FGF12: variants seen among roughly 807,000 people sequenced by gnomAD.
FGF12 encodes fibroblast growth factor 12B.
FGF12 carries 14 observed loss-of-function variants against 23.6 expected under a neutral mutation model. That is an observed-to-expected ratio of 0.59 (90% CI 0.39 to 0.93). The LOEUF (loss-of-function observed/expected upper bound fraction) is 0.93, where lower values mean the gene tolerates loss of function less well. Among genes scored for constraint, FGF12 ranks in the 40% least tolerant of loss-of-function variants. The pLI is 0.00. For synonymous variants in FGF12, 62 were observed against 77.3 expected, an observed-to-expected ratio of 0.80 and a Z score of 1.04; for missense variants, 175 against 217.8, an observed-to-expected ratio of 0.80 and a Z score of 1.24.
chr3:192,168,976 AT>A (rs1376151542), intron 5 of FGF12, among the ~76,000 whole-genome samples: 2 of 152,170 alleles, frequency 1.3e-5, no homozygotes, highest in African/African-American at 4.8e-5. Flanking sequence ...ACTAATAGAC[AT>A]TTTCCAGGCA....
chr3:192,287,433 A>C (rs1475836048), intron 4 of FGF12, among the ~76,000 whole-genome samples: 1 of 152,064 alleles, frequency 6.6e-6, no homozygotes, highest in Non-Finnish European at 1.5e-5. Context: ...AGAGGTTAAC[A>C]GTCCGTGAAA....
intron 2 of FGF12, among the ~76,000 whole-genome samples, chr3:192,631,822 A>G (rs1715400505): frequency 6.6e-6 from 1 of 152,226 alleles, no homozygotes; most frequent in Non-Finnish European, 1.5e-5. Context: ...TTATTTGGCC[A>G]TTTAAAGCAT....
chr3:192,462,529 T>C (rs1722894566), intron 2 of FGF12, among the ~76,000 whole-genome samples: 1 of 152,222 alleles, frequency 6.6e-6, no homozygotes, highest in South Asian at 2.1e-4. Context: ...CCCTCAATTT[T>C]GGACTTCTCA....
chr3:192,548,455 A>G (rs1725551330), intron 2 of FGF12, among the ~76,000 whole-genome samples: 1 of 152,162 alleles, frequency 6.6e-6, no homozygotes, highest in Non-Finnish European at 1.5e-5. Context: ...AACTCACAAC[A>G]TAATTACTCA....
chr3:192,641,404 C>CTT lies in FGF12; in HGVS notation c.13+85775_13+85776dup, dbSNP rs1186966084. Among the ~76,000 whole-genome samples the CTT allele has an allele frequency of 4.6e-4, 14 of 30,248 alleles. 3 individuals carry two copies. Among genetic ancestry groups the CTT allele is most frequent in the African/African-American group, 1.3e-3 (12 of 9,248 alleles). 19.8% of individuals were successfully genotyped at this position (30,248 alleles called of 152,430 possible). On this transcript the variant is annotated intron_variant, in intron 2 of 5. Coordinates refer to ENST00000445105, the MANE Select transcript of FGF12 (RefSeq NM_004113.6). ...ACAGGCGTGAGCCACCGCGCCCGGC[C>CTT]TTTTTTTTTTTTTTTTTGAGACAGA...
At chr3:192,550,749 C>T (rs542837985) in intron 2 of FGF12, among the ~76,000 whole-genome samples, 2 of 151,854 alleles carry the variant, frequency 1.3e-5, no homozygotes, top group South Asian at 4.2e-4. Context: ...TGATACATAA[C>T]CAAAGAGTTC....
At chr3:192,155,643 A>C (rs1714373279) in intron 5 of FGF12, among the ~76,000 whole-genome samples, 1 of 152,234 alleles carries the variant, frequency 6.6e-6, no homozygotes. Context: ...CCACATAGAA[A>C]ATGGGAATCA....
chr3:192,242,554 A>G (rs1322140058), intron 4 of FGF12, among the ~76,000 whole-genome samples: 1 of 152,198 alleles, frequency 6.6e-6, no homozygotes, highest in Non-Finnish European at 1.5e-5. Context: ...TCAGTCAGGG[A>G]AAATTTTAAA....
At position 192,304,756 on chromosome 3, in the gene FGF12, A is replaced by G. The variant is rs79996525; in HGVS notation, c.228+30605T>C. Among the ~76,000 whole-genome samples the G allele has an allele frequency of 9.8e-3, 1,497 of 152,306 alleles. 15 individuals are homozygous for G. Among genetic ancestry groups the G allele is most frequent in the African/African-American group, 0.034 (1,431 of 41,556 alleles). Reference sequence around the variant, plus strand: ...CTGACAAGAACTACAGTTTTAAGCTACAATTTTAAAATATCCTCTCTGCTT... The same window carrying G: ...CTGACAAGAACTACAGTTTTAAGCTGCAATTTTAAAATATCCTCTCTGCTT... On this transcript the variant is annotated intron_variant, in intron 4 of 5. Coordinates refer to ENST00000445105, the MANE Select transcript of FGF12 (RefSeq NM_004113.6).
chr3:192,530,527 T>C (rs1725061006), intron 2 of FGF12, among the ~76,000 whole-genome samples: 1 of 152,214 alleles, frequency 6.6e-6, no homozygotes, highest in South Asian at 2.1e-4. Flanking sequence ...GCTCATTTGT[T>C]ATTTGAGATT....
intron 2 of FGF12, among the ~76,000 whole-genome samples, chr3:192,465,690 C>T (rs1190735312): frequency 1.3e-5 from 2 of 152,226 alleles, no homozygotes; most frequent in Admixed American, 1.3e-4. Flanking sequence ...AGGGTGCCTA[C>T]GTGACTGTCG....
intron 2 of FGF12, among the ~76,000 whole-genome samples, chr3:192,530,616 A>G (rs1370788447): frequency 6.6e-6 from 1 of 152,198 alleles, no homozygotes; most frequent in Non-Finnish European, 1.5e-5. Flanking sequence ...AGAAAATTGG[A>G]CTTTTAGTAG....
At chr3:192,525,370 C>T (rs984165066) in intron 2 of FGF12, among the ~76,000 whole-genome samples, 2 of 152,170 alleles carry the variant, frequency 1.3e-5, no homozygotes, top group Non-Finnish European at 2.9e-5. Flanking sequence ...TGAGCAACTA[C>T]ATCTAACTAT....
chr3:192,441,710 C>T (rs1722205841), intron 2 of FGF12, among the ~76,000 whole-genome samples: 1 of 152,094 alleles, frequency 6.6e-6, no homozygotes, highest in Non-Finnish European at 1.5e-5. Flanking sequence ...AGAGAAATTC[C>T]ACTTTAGGAA....
intron 2 of FGF12, among the ~76,000 whole-genome samples, chr3:192,539,480 T>C (rs950852190): frequency 1.8e-4 from 28 of 152,310 alleles, no homozygotes; most frequent in African/African-American, 6.0e-4. Context: ...CTTGTATTTC[T>C]GGAATAAATC....
chr3:192,333,349 G>T (rs865875880), intron 4 of FGF12, among the ~76,000 whole-genome samples: 2 of 151,976 alleles, frequency 1.3e-5, no homozygotes, highest in South Asian at 4.2e-4. Flanking sequence ...ACATTTAGCT[G>T]CTTATTTAAT....
chr3:192,422,847 T>G (rs538919327), intron 2 of FGF12, among the ~76,000 whole-genome samples: 68 of 152,218 alleles, frequency 4.5e-4, no homozygotes, highest in African/African-American at 1.5e-3. Context: ...CCCAGTGTAG[T>G]AGGAGAGGAA....
At chr3:192,322,332 T>A (rs1266298480) in intron 4 of FGF12, among the ~76,000 whole-genome samples, 3 of 151,964 alleles carry the variant, frequency 2.0e-5, no homozygotes, top group African/African-American at 7.2e-5. Flanking sequence ...CACAAAAAAA[T>A]GGGAAATATT....
intron 2 of FGF12, among the ~76,000 whole-genome samples, chr3:192,707,259 A>C (rs1011936250): frequency 6.6e-6 from 1 of 152,170 alleles, no homozygotes; most frequent in African/African-American, 2.4e-5. Flanking sequence ...GTGCAATCTC[A>C]GTCACTAATG....
Sources: gnomAD v4.1 joint callset for allele counts (sites outside exome capture counted in the v4.1 genomes callset) on GRCh38, gnomAD v4.1.1 for gene constraint, MANE v1.5 for transcripts, NCBI Gene and HGNC (gene_info 2026-07-23, HGNC 2026-07-21) for gene names.